DNM3: variants seen among roughly 807,000 people sequenced by gnomAD.
The protein encoded by DNM3 is dynamin 3, also known as dynamin-3.
DNM3 carries 47 observed loss-of-function variants against 101.6 expected under a neutral mutation model. The observed-to-expected ratio is 0.46, with a 90% CI of 0.37 to 0.59. DNM3 has a LOEUF of 0.59. DNM3 is among the 20% of genes least tolerant of loss of function. The pLI, the probability that DNM3 is intolerant of heterozygous loss-of-function variation, is 0.00. For synonymous variants in DNM3, 385 were observed against 387.9 expected, an observed-to-expected ratio of 0.99 and a Z score of 0.09; for missense variants, 849 against 1,085.7, an observed-to-expected ratio of 0.78 and a Z score of 3.06.
intron 2 of DNM3, among the ~76,000 whole-genome samples, chr1:171,943,592 A>G (rs550250518): frequency 2.6e-5 from 4 of 152,294 alleles, no homozygotes; most frequent in South Asian, 4.1e-4. Flanking sequence ...TCAATTGCCA[A>G]TGGGGAAATC....
intron 8 of DNM3, among the ~76,000 whole-genome samples, chr1:172,043,263 G>T (rs1484902451): frequency 6.6e-6 from 1 of 152,100 alleles, no homozygotes; most frequent in African/African-American, 2.4e-5. Flanking sequence ...AGCTGAGGGA[G>T]TGGTAGTGCC....
chr1:172,379,586 C>T (rs1453105898), intron 18 of DNM3, among the ~76,000 whole-genome samples: 2 of 152,008 alleles, frequency 1.3e-5, no homozygotes, highest in African/African-American at 4.8e-5. Context: ...TGCATGTGCA[C>T]ACACATATAT....
intron 2 of DNM3, among the ~76,000 whole-genome samples, chr1:171,984,057 C>G (rs528267282): frequency 7.2e-5 from 11 of 152,262 alleles, no homozygotes; most frequent in African/African-American, 2.6e-4. Flanking sequence ...TCTCTCATAT[C>G]GCAGCTTAAA....
intron 1 of DNM3, among the ~76,000 whole-genome samples, chr1:171,847,773 G>GT (rs2032345286): frequency 6.6e-6 from 1 of 152,124 alleles, no homozygotes; most frequent in Non-Finnish European, 1.5e-5. Flanking sequence ...GGAATGAATT[G>GT]TTTAGAATGG....
chr1:172,373,959 A>AATTT (rs1310520476), intron 17 of DNM3, among the ~76,000 whole-genome samples: 1 of 152,026 alleles, frequency 6.6e-6, no homozygotes, highest in Non-Finnish European at 1.5e-5. Flanking sequence ...TTTAAATTTT[A>AATTT]ATTTATTTTT....
intron 2 of DNM3, among the ~76,000 whole-genome samples, chr1:171,980,322 T>C (rs1313205775): frequency 6.6e-6 from 1 of 152,142 alleles, no homozygotes; most frequent in Non-Finnish European, 1.5e-5. Context: ...CTATTTTTAA[T>C]TAACACATAA....
intron 15 of DNM3, among the ~76,000 whole-genome samples, chr1:172,286,744 C>G (rs1233567179): frequency 6.6e-6 from 1 of 152,166 alleles, no homozygotes; most frequent in Non-Finnish European, 1.5e-5. Context: ...CTTTCAAAGC[C>G]ATGCCTCACT....
chr1:172,194,891 T>C (rs1245967561), intron 14 of DNM3, among the ~76,000 whole-genome samples: 3 of 152,118 alleles, frequency 2.0e-5, no homozygotes, highest in African/African-American at 7.2e-5. Flanking sequence ...TGTGTGAATT[T>C]GATCCTGTCA....
chr1:172,184,832 C>G (rs942117132), intron 14 of DNM3, among the ~76,000 whole-genome samples: 1 of 152,070 alleles, frequency 6.6e-6, no homozygotes, highest in African/African-American at 2.4e-5. Context: ...CTGTCACCCT[C>G]TTAAGGGAAT....
At chr1:171,845,541 A>G (rs2031942724) in intron 1 of DNM3, among the ~76,000 whole-genome samples, 1 of 152,218 alleles carries the variant, frequency 6.6e-6, no homozygotes, top group African/African-American at 2.4e-5. Context: ...CTGATAGAGC[A>G]AGACTCTGTC....
Position 171,929,199 on chromosome 1 carries a change from C to T in DNM3, c.235+7378C>T, listed in dbSNP as rs1224461703. Among the ~76,000 whole-genome samples, 3 of 151,930 alleles carry T rather than the reference C, an allele frequency of 2.0e-5. No homozygotes were observed. The East Asian group carries it at 5.8e-4, about 29-fold the overall frequency. On this transcript the variant is annotated intron_variant, in intron 2 of 20. Coordinates refer to ENST00000627582, the MANE Select transcript of DNM3 (RefSeq NM_015569.5). ...TGAAGGCTAGAATGGTTATGTTGCC[C>T]AAACAGCAAAGATGGCAGCCTGACT...
In DNM3 at chr1:172,156,291, T is replaced by C. The variant is rs555214881; in HGVS notation, c.1659+25003T>C. 9.2e-5 allele frequency among the ~76,000 whole-genome samples: 14 copies of C among 152,190 alleles called. No homozygotes were observed. In the South Asian group the frequency reaches 2.9e-3, roughly 32 times the overall value. ...GTATAGATAACAGCTCAGTTAGCCT[T>C]CATCAGTTTTATTGTTTCTACTTAA... On this transcript the variant is annotated intron_variant, in intron 14 of 20. Coordinates refer to ENST00000627582, the MANE Select transcript of DNM3 (RefSeq NM_015569.5).
At chr1:172,004,009 C>G (rs914785690) in intron 4 of DNM3, among the ~76,000 whole-genome samples, 1 of 151,942 alleles carries the variant, frequency 6.6e-6, no homozygotes, top group Non-Finnish European at 1.5e-5. Context: ...GAGGCAAATA[C>G]TTGGGTTGCT....
At chr1:171,899,579 A>G (rs748955334) in intron 1 of DNM3, among the ~76,000 whole-genome samples, 3 of 152,182 alleles carry the variant, frequency 2.0e-5, no homozygotes, top group Non-Finnish European at 4.4e-5. Flanking sequence ...TAATATTTGA[A>G]TGAGGTGATA....
At chr1:172,119,023 A>C in intron 13 of DNM3, among the ~76,000 whole-genome samples, 1 of 142,700 alleles carries the variant, frequency 7.0e-6, no homozygotes, top group African/African-American at 2.6e-5. Flanking sequence ...ACAGAGTTTC[A>C]CTCTTGTTGC....
intron 14 of DNM3, among the ~76,000 whole-genome samples, chr1:172,231,015 T>C (rs72721163): frequency 0.17 from 25,154 of 151,588 alleles, 2,458 homozygotes; most frequent in East Asian, 0.28. Context: ...CATCTAGGAG[T>C]TCAGCTCCTA....
At chr1:171,842,625 C>T (rs2031444193) in intron 1 of DNM3, among the ~76,000 whole-genome samples, 4 of 152,190 alleles carry the variant, frequency 2.6e-5, no homozygotes, top group African/African-American at 9.6e-5. Context: ...GCATCTTTCT[C>T]GCACTCTCTC....
In DNM3 at chr1:172,408,307, TGC is replaced by T. The variant is rs2149131249; in HGVS notation, c.*467_*468del. On this transcript the variant is annotated 3_prime_UTR_variant, in exon 21 of 21. Transcript: ENST00000627582. Reference sequence around the variant, plus strand: ...TTAATGCTACTACCTACTCCATAATTGCCTATTTAGCTCCTCTTTTCTTCCTT... The same window carrying T: ...TTAATGCTACTACCTACTCCATAATTCTATTTAGCTCCTCTTTTCTTCCTT... The T allele has an allele frequency of 1.0e-6, 1 of 986,908 alleles. No homozygotes were observed. Among genetic ancestry groups the T allele is most frequent in the South Asian group, 4.7e-5 (1 of 21,390 alleles). 61.1% of individuals were successfully genotyped at this position (986,908 alleles called of 1,614,324 possible).
At chr1:171,922,152 TGTGC>T (rs1553300942) in intron 2 of DNM3, among the ~76,000 whole-genome samples, 17,197 of 99,686 alleles carry the variant, frequency 0.17, 1,287 homozygotes, top group East Asian at 0.47. Flanking sequence ...TGTGTGTGTG[TGTGC>T]GTATGTGTGC....
Sources: allele counts gnomAD v4.1 joint callset (sites outside exome capture counted in the v4.1 genomes callset), GRCh38; gene constraint gnomAD v4.1.1; transcripts MANE v1.5; gene names NCBI Gene and HGNC (gene_info 2026-07-23, HGNC 2026-07-21).